ANKS6: variants seen among roughly 807,000 people sequenced by gnomAD.
ANKS6 encodes ankyrin repeat and sterile alpha motif domain containing 6.
Under a neutral mutation model 77.9 loss-of-function variants are expected in ANKS6, and 47 were observed. The ratio of observed to expected loss-of-function variants is 0.60; its 90% CI spans 0.48 to 0.77. The LOEUF (loss-of-function observed/expected upper bound fraction) is 0.77, where lower values mean the gene tolerates loss of function less well. ANKS6 is among the 30% of genes least tolerant of loss of function. The pLI is 0.00. For synonymous variants in ANKS6, 488 were observed against 501.7 expected (o/e 0.97, Z 0.37); for missense variants, 1,150 against 1,159.1 (o/e 0.99, Z 0.11).
intron 5 of ANKS6, among the ~76,000 whole-genome samples, chr9:98,781,623 G>A (rs901513442): frequency 6.6e-6 from 1 of 152,150 alleles, no homozygotes; most frequent in African/African-American, 2.4e-5. Flanking sequence ...AGAACCAAGT[G>A]TGCATCTGTG....
chr9:98,743,930 T>C lies in ANKS6; in HGVS notation c.2511+1629A>G, dbSNP rs906660513. On this transcript the variant is annotated intron_variant, in intron 14 of 14. Coordinates refer to ENST00000353234, the MANE Select transcript of ANKS6 (RefSeq NM_173551.5). The stretch of plus-strand genomic sequence containing the variant: ...GAGCCACCCTCAGGCTTCAGTTTCC[T>C]GGACGATGCCCTTCCTGACAGCCGA... 2.6e-5 allele frequency among the ~76,000 whole-genome samples: 4 copies of C among 152,194 alleles called. No individual in the cohort carries two copies. The East Asian group carries it at 5.8e-4, about 22-fold the overall frequency.
At position 98,734,446 on chromosome 9, in the gene ANKS6, C is replaced by G. The variant is rs1162646642; in HGVS notation, c.*2073G>C. ...ACCACAGCAAAAAGCAGGCACAAAACCTCAAAGCACATAACGTCAGGGGCC... is the reference window on the plus strand; with the variant it reads ...ACCACAGCAAAAAGCAGGCACAAAAGCTCAAAGCACATAACGTCAGGGGCC... On this transcript the variant is annotated 3_prime_UTR_variant, in exon 15 of 15. Coordinates refer to ENST00000353234, the MANE Select transcript of ANKS6 (RefSeq NM_173551.5). The G allele has an allele frequency of 1.0e-6, 1 of 985,344 alleles. No homozygotes were observed. The highest frequency in any genetic ancestry group is 1.2e-6 in the Non-Finnish European group (1 of 829,974). 61.0% of individuals were successfully genotyped at this position (985,344 alleles called of 1,614,324 possible). A position where few individuals can be genotyped will look rare whatever the true frequency, so the allele number is the denominator to read the frequency against.
intron 12 of ANKS6, among the ~76,000 whole-genome samples, chr9:98,752,127 T>C (rs998111585): frequency 1.7e-4 from 26 of 152,014 alleles, no homozygotes; most frequent in Non-Finnish European, 2.8e-4. Context: ...CAAAGGCTGA[T>C]AGGCAAGACA....
rs970831522 is a variant in ANKS6 at position 98,737,089 on chromosome 9, T to C, written c.2512-466A>G. 2.6e-5 allele frequency among the ~76,000 whole-genome samples: 4 copies of C among 152,144 alleles called. No individual in the cohort carries two copies. In the East Asian group the frequency reaches 5.8e-4, roughly 22 times the overall value. Reference sequence around the variant, plus strand: ...GCTGCCGGATTTGTCTTCACAGAGATTCACTTCTCACTCTATTCCTACAAC... The same window carrying C: ...GCTGCCGGATTTGTCTTCACAGAGACTCACTTCTCACTCTATTCCTACAAC... On this transcript the variant is annotated intron_variant, in intron 14 of 14. Transcript: ENST00000353234.
At position 98,778,322 on chromosome 9, in the gene ANKS6, G is replaced by T. The variant is rs1834030745; in HGVS notation, c.1471C>A (p.Pro491Thr). The change falls in exon 7 of 15, where the codon CCT (proline) becomes ACT (threonine). Residue 491 changes from proline to threonine, a missense_variant. Transcript: ENST00000353234. ...SNQPLPFSDE[P>T]EPALDSTMRA... Reference sequence around the variant, plus strand: ...ATTGTGGAGTCCAGAGCTGGCTCAGGCTCGTCAGAGAAAGGCAAAGGCTGG... The same window carrying T: ...ATTGTGGAGTCCAGAGCTGGCTCAGTCTCGTCAGAGAAAGGCAAAGGCTGG... The T allele has an allele frequency of 6.2e-7, 1 of 1,614,202 alleles. No homozygotes were observed.
intron 14 of ANKS6, among the ~76,000 whole-genome samples, chr9:98,743,466 G>C (rs1410605069): frequency 6.6e-6 from 1 of 152,170 alleles, no homozygotes; most frequent in South Asian, 2.1e-4. Context: ...CTTTGCACAT[G>C]TGCTTCCCTC....
intron 13 of ANKS6, among the ~76,000 whole-genome samples, chr9:98,749,443 C>G (rs1223696353): frequency 6.6e-6 from 1 of 152,218 alleles, no homozygotes; most frequent in Non-Finnish European, 1.5e-5. Context: ...TGTACGTCAG[C>G]TGAAACATAC....
intron 11 of ANKS6, 24 bp downstream of exon 11, chr9:98,768,057 G>T: frequency 6.3e-7 from 1 of 1,588,854 alleles, no homozygotes; most frequent in Non-Finnish European, 8.6e-7. Context: ...AGTGTAACAG[G>T]AGGAGGCCAC....
rs1834887352 is a variant in ANKS6 at position 98,791,257 on chromosome 9, A to C, written c.360-651T>G. Among the ~76,000 whole-genome samples the C allele has an allele frequency of 2.0e-5, 3 of 152,146 alleles. No individual in the cohort carries two copies. Among genetic ancestry groups the C allele is most frequent in the Non-Finnish European group, 4.4e-5 (3 of 68,018 alleles). ...ATTCATTTCTACCCTCCCCATCCCC[A>C]AAAGCACACACCCCATGCCAAGAGG... On this transcript the variant is annotated intron_variant, in intron 1 of 14. Coordinates refer to ENST00000353234, the MANE Select transcript of ANKS6 (RefSeq NM_173551.5). This position sits in a 1 kb window ranked among gnomAD's most constrained non-coding sequence, Gnocchi z 4.3.
rs749910178 is a variant in ANKS6, at chr9:98,784,172, A to G, written c.908-15T>C. 2 of 1,513,962 alleles carry G rather than the reference A, an allele frequency of 1.3e-6. No individual in the cohort carries two copies. Among genetic ancestry groups the G allele is most frequent in the Non-Finnish European group, 1.8e-6 (2 of 1,123,780 alleles). 93.8% of individuals were successfully genotyped at this position (1,513,962 alleles called of 1,614,324 possible). A position where few individuals can be genotyped will look rare whatever the true frequency, so the allele number is the denominator to read the frequency against. On this transcript the variant is annotated splice_polypyrimidine_tract_variant and intron_variant, in intron 3 of 14. Transcript: ENST00000353234. ...CTGGAAGTTTCCTGCAAACACAAGC[A>G]GGAGTCCGGGTGAACTGTGGGCCTG...
chr9:98,770,057 T>G (rs75338527), intron 10 of ANKS6, among the ~76,000 whole-genome samples: 2,749 of 152,220 alleles, frequency 0.018, 44 homozygotes, highest in Non-Finnish European at 0.026. Context: ...CCCACCCAAA[T>G]CTCATCTTGA....
chr9:98,773,886 G>T lies in ANKS6; in HGVS notation c.1812C>A (p.Gly604=). Residue 604 remains glycine (G), a synonymous_variant, in exon 9 of 15, where the codon GGC becomes GGA. Transcript: ENST00000353234. Reference sequence around the variant, plus strand: ...TCAGAAGACAACTTACAGTGTCTGTGCCCCCGCCGCCCACGGGGTGGCCCC... The same window carrying T: ...TCAGAAGACAACTTACAGTGTCTGTTCCCCCGCCGCCCACGGGGTGGCCCC... ...ASRGHPVGGG[G]TDTTPVRPVK... is the part of the protein sequence containing the mutation. 1 of 1,558,048 alleles carries T rather than the reference G, an allele frequency of 6.4e-7. No individual in the cohort carries two copies. The highest frequency in any genetic ancestry group is 8.6e-7 in the Non-Finnish European group (1 of 1,158,600).
At chr9:98,756,331 A>T in intron 12 of ANKS6, 89 bp downstream of exon 12, 1 of 1,417,150 alleles carries the variant, frequency 7.1e-7, no homozygotes. Flanking sequence ...TAGGATGGTT[A>T]TAGCAATTAA....
Position 98,735,796 on chromosome 9 carries a change from T to A in ANKS6, c.*723A>T, listed in dbSNP as rs1262207031. The A allele has an allele frequency of 8.1e-7, 1 of 1,231,612 alleles. No homozygotes were observed. The highest frequency in any genetic ancestry group is 1.0e-6 in the Non-Finnish European group (1 of 987,974). 76.3% of individuals were successfully genotyped at this position (1,231,612 alleles called of 1,614,324 possible). A position where few individuals can be genotyped will look rare whatever the true frequency, so the allele number is the denominator to read the frequency against. On this transcript the variant is annotated 3_prime_UTR_variant, in exon 15 of 15. Transcript: ENST00000353234. ...TCTCTTTGCAATAAAGAAAAATGCG[T>A]TTGACATACACATCTCCAATGTAAG...
At position 98,732,637 on chromosome 9, in the gene ANKS6, C is replaced by T. The variant is rs1831263659; in HGVS notation, c.*3882G>A. The T allele has an allele frequency of 3.2e-6, 5 of 1,545,282 alleles. No individual in the cohort carries two copies. The highest frequency in any genetic ancestry group is 3.5e-6 in the Non-Finnish European group (4 of 1,145,346). ...GGGCAACCATCTTTGAGGTTTCCCACATCTGCACCGCTCCACAGTGTGAAA... is the reference window on the plus strand; with the variant it reads ...GGGCAACCATCTTTGAGGTTTCCCATATCTGCACCGCTCCACAGTGTGAAA... On this transcript the variant is annotated 3_prime_UTR_variant, in exon 15 of 15. Transcript: ENST00000353234.
At chr9:98,795,100 C>T (rs977666755) in intron 1 of ANKS6, among the ~76,000 whole-genome samples, 1 of 152,110 alleles carries the variant, frequency 6.6e-6, no homozygotes, top group Non-Finnish European at 1.5e-5. Flanking sequence ...TCCTTGCTGT[C>T]TCTCTTAACC....
At position 98,732,287 on chromosome 9, in the gene ANKS6, CAGCTCTGAGGCA is replaced by C; in HGVS notation, c.*4220_*4231del. 1.6e-6 allele frequency: 1 copy of C among 617,492 alleles called. No individual in the cohort carries two copies. The highest frequency in any genetic ancestry group is 2.0e-5 in the South Asian group (1 of 50,348). 38.3% of individuals were successfully genotyped at this position (617,492 alleles called of 1,614,324 possible). A position where few individuals can be genotyped will look rare whatever the true frequency, so the allele number is the denominator to read the frequency against. ...CTCCGGCCTGGCCCATGTCTTCAGG[CAGCTCTGAGGCA>C]AGAATAAAAGGGACGAGTTCCCTGC... is the stretch of plus-strand genomic sequence containing the variant. On this transcript the variant is annotated 3_prime_UTR_variant, in exon 15 of 15. Transcript: ENST00000353234.
chr9:98,790,553 T>C lies in ANKS6; in HGVS notation c.413A>G (p.Asn138Ser), dbSNP rs374511363. Reference protein sequence around the residue: ...HLLLDHGADVNAQNRLGASVL... With the variant: ...HLLLDHGADVSAQNRLGASVL... ...ACTGGCCCCCAGCCGGTTCTGGGCATTGACATCAGCCCCGTGATCCAACAG... is the reference window on the plus strand; with the variant it reads ...ACTGGCCCCCAGCCGGTTCTGGGCACTGACATCAGCCCCGTGATCCAACAG... The change falls in exon 2 of 15, where the codon AAT becomes AGT. Residue 138 changes from asparagine to serine, a missense_variant. By Grantham distance (46) the Asn-to-Ser change is conservative. Transcript: ENST00000353234. 1.2e-5 allele frequency: 20 copies of C among 1,612,142 alleles called. No homozygotes were observed. The highest frequency in any genetic ancestry group is 1.7e-5 in the Non-Finnish European group (20 of 1,178,848).
intron 13 of ANKS6, chr9:98,745,994 G>A: frequency 2.9e-6 from 1 of 345,040 alleles, no homozygotes; most frequent in Middle Eastern, 9.3e-4. Context: ...CTATTAGAAA[G>A]GTAACTGCAA....
Sources: allele counts gnomAD v4.1 joint callset (sites outside exome capture counted in the v4.1 genomes callset), GRCh38; gene constraint gnomAD v4.1.1; non-coding constraint Gnocchi (gnomAD v3.1); transcripts MANE v1.5; gene names NCBI Gene and HGNC (gene_info 2026-07-23, HGNC 2026-07-21).